PCDHA5: variants seen among roughly 807,000 people sequenced by gnomAD.
The protein encoded by PCDHA5 is protocadherin alpha 5.
Under a neutral mutation model 61.6 loss-of-function variants are expected in PCDHA5, and 43 were observed. The observed-to-expected ratio is 0.70, with a 90% confidence interval of 0.55 to 0.90. The LOEUF (loss-of-function observed/expected upper bound fraction) is 0.90. Among genes scored for constraint, PCDHA5 ranks in the 40% least tolerant of loss-of-function variants. PCDHA5 has a pLI of 0.00. For synonymous variants in PCDHA5, 627 were observed against 543.9 expected, an observed-to-expected ratio of 1.15 and a Z score of -2.13; for missense variants, 1,298 against 1,222.7, an observed-to-expected ratio of 1.06 and a Z score of -0.92.
chr5:140,957,614 T>C (rs1208546101), intron 1 of PCDHA5, among the ~76,000 whole-genome samples: 6 of 152,134 alleles, frequency 3.9e-5, no homozygotes, highest in African/African-American at 1.4e-4. Flanking sequence ...CACAGACATA[T>C]ACATGCACAC....
intron 1 of PCDHA5, among the ~76,000 whole-genome samples, chr5:140,846,785 T>C (rs1780675366): frequency 6.7e-6 from 1 of 149,494 alleles, no homozygotes; most frequent in South Asian, 2.1e-4. Flanking sequence ...GAATTATTAC[T>C]GAGCCCCAGC....
At chr5:140,875,182 A>T in intron 1 of PCDHA5, 1 of 450,902 alleles carries the variant, frequency 2.2e-6, no homozygotes. Context: ...CATTAGAATT[A>T]AGAGTGACCC....
chr5:140,876,051 A>G, intron 1 of PCDHA5: 2 of 1,613,956 alleles, frequency 1.2e-6, no homozygotes, highest in African/African-American at 2.7e-5. Flanking sequence ...TATTGCCTGA[A>G]TTAGTTCTTC....
In PCDHA5 at chr5:140,978,905, T is replaced by C. The variant is rs782532288; in HGVS notation, c.2353-44T>C. 9 of 1,613,632 alleles carry C rather than the reference T, an allele frequency of 5.6e-6. No homozygotes were observed. In the South Asian group the frequency reaches 9.9e-5, roughly 18 times the overall value. On this transcript the variant is annotated intron_variant, in intron 1 of 3. Coordinates refer to ENST00000529859, the MANE Select transcript of PCDHA5 (RefSeq NM_018908.3). ...AATTAGCAGCATTCCTGGGAGAACA[T>C]TGTCTTGTCATTTTAACAGAAAACT...
At chr5:140,931,440 AT>A (rs2153608083) in intron 1 of PCDHA5, among the ~76,000 whole-genome samples, 1 of 141,482 alleles carries the variant, frequency 7.1e-6, no homozygotes, top group South Asian at 2.3e-4. Flanking sequence ...AAAATTAGCT[AT>A]TTAAAAGGAA....
intron 1 of PCDHA5, among the ~76,000 whole-genome samples, chr5:140,879,587 G>A (rs904371743): frequency 6.6e-6 from 1 of 152,186 alleles, no homozygotes. Context: ...GACAGACATT[G>A]AAAAGTGAAA....
intron 1 of PCDHA5, among the ~76,000 whole-genome samples, chr5:140,953,309 G>A (rs563699783): frequency 1.3e-5 from 2 of 152,220 alleles, no homozygotes; most frequent in East Asian, 1.9e-4. Flanking sequence ...AGAGATGTGG[G>A]AAGAATTTGA....
chr5:140,855,793 C>T (rs1383581085), intron 1 of PCDHA5: 1 of 456,918 alleles, frequency 2.2e-6, no homozygotes, highest in East Asian at 3.3e-5. Flanking sequence ...AAAGAATTAA[C>T]ATATGAATGA....
chr5:140,902,866 C>T (rs1449193268), intron 1 of PCDHA5, among the ~76,000 whole-genome samples: 1 of 152,186 alleles, frequency 6.6e-6, no homozygotes, highest in Non-Finnish European at 1.5e-5. Context: ...TCCAGGTCCA[C>T]CCAAGCTGCT....
Position 140,974,586 on chromosome 5 carries a change from A to G in PCDHA5, c.2353-4363A>G, listed in dbSNP as rs150396044. Among the ~76,000 whole-genome samples, 599 of 152,220 alleles carry G rather than the reference A, an allele frequency of 3.9e-3. 3 individuals carry two copies. Among genetic ancestry groups the G allele is most frequent in the African/African-American group, 0.014 (565 of 41,540 alleles). On this transcript the variant is annotated intron_variant, in intron 1 of 3. Transcript: ENST00000529859. The stretch of plus-strand genomic sequence containing the variant: ...GAGTGCAATGGCATGATCTTGGCTC[A>G]CTGCAACCTCTGCCTCCAGGGTTCA...
intron 1 of PCDHA5, chr5:140,968,458 T>C: frequency 6.2e-7 from 1 of 1,614,148 alleles, no homozygotes; most frequent in East Asian, 2.2e-5. Flanking sequence ...GCACTGTGAC[T>C]GCCAACGTAT....
intron 1 of PCDHA5, chr5:140,854,248 G>A (rs781986027): frequency 3.2e-6 from 2 of 634,534 alleles, no homozygotes; most frequent in Non-Finnish European, 3.9e-6. Context: ...GTTATCACTT[G>A]GTATAAAATG....
At chr5:140,967,453 C>T in intron 1 of PCDHA5, 1 of 1,613,556 alleles carries the variant, frequency 6.2e-7, no homozygotes, top group South Asian at 1.1e-5. Context: ...TTCTCACAGC[C>T]GTGGATGGGG....
intron 1 of PCDHA5, chr5:140,882,206 G>C: frequency 6.5e-7 from 1 of 1,531,252 alleles, no homozygotes; most frequent in Non-Finnish European, 8.8e-7. Context: ...TGGGCCTTGA[G>C]AGACAGTTTG....
At chr5:140,975,236 T>A (rs562846037) in intron 1 of PCDHA5, among the ~76,000 whole-genome samples, 84 of 152,334 alleles carry the variant, frequency 5.5e-4, no homozygotes, top group African/African-American at 1.9e-3. Context: ...TCACATGGAA[T>A]CCCTCTTATG....
chr5:140,829,901 A>T lies in PCDHA5; in HGVS notation c.2352+5774A>T, dbSNP rs2150177337. 19 of 1,613,992 alleles carry T rather than the reference A, an allele frequency of 1.2e-5. No individual in the cohort carries two copies. In the East Asian group the frequency reaches 4.2e-4, roughly 36 times the overall value. ...CGCAGTTGACGCCGACTCAGGCTAC[A>T]ACGCGTGGCTTTCGTATGAGCTGCA... On this transcript the variant is annotated intron_variant, in intron 1 of 3. Coordinates refer to ENST00000529859, the MANE Select transcript of PCDHA5 (RefSeq NM_018908.3).
At chr5:140,966,818 C>T in intron 1 of PCDHA5, 1 of 1,554,294 alleles carries the variant, frequency 6.4e-7, no homozygotes, top group Admixed American at 1.9e-5. Flanking sequence ...ACGGCTCCGG[C>T]GGCCCATGCC....
chr5:140,884,708 T>C, intron 1 of PCDHA5: 1 of 1,479,044 alleles, frequency 6.8e-7, no homozygotes, highest in Non-Finnish European at 9.0e-7. Flanking sequence ...ACTTTAGCCT[T>C]CCTTGCAGTT....
At chr5:140,957,674 T>C (rs2095374808) in intron 1 of PCDHA5, among the ~76,000 whole-genome samples, 1 of 152,084 alleles carries the variant, frequency 6.6e-6, no homozygotes, top group African/African-American at 2.4e-5. Flanking sequence ...AAATTAATTA[T>C]GAAATATCTA....
Sources: gnomAD v4.1 joint callset for allele counts (sites outside exome capture counted in the v4.1 genomes callset) on GRCh38, gnomAD v4.1.1 for gene constraint, MANE v1.5 for transcripts, NCBI Gene and HGNC (gene_info 2026-07-23, HGNC 2026-07-21) for gene names.